Variants in BRD8 observed in about 807,000 individuals in gnomAD.
BRD8 encodes the protein bromodomain containing 8.
BRD8 carries 67 observed loss-of-function variants against 143.1 expected under a neutral mutation model. That is an observed-to-expected ratio of 0.47 (90% CI 0.38 to 0.57). The LOEUF (loss-of-function observed/expected upper bound fraction) is 0.57, where lower values mean the gene tolerates loss of function less well. BRD8 is among the 20% of genes least tolerant of loss of function. The pLI, the probability that BRD8 is intolerant of heterozygous loss-of-function variation, is 0.00. For synonymous variants in BRD8, 505 were observed against 517.1 expected (o/e 0.98, Z 0.32); for missense variants, 1,103 against 1,503.0 (o/e 0.73, Z 4.40).
At chr5:138,156,738 C>T (rs1752619180) in intron 20 of BRD8, 1 of 750,216 alleles carries the variant, frequency 1.3e-6, no homozygotes, top group Non-Finnish European at 1.6e-6. Flanking sequence ...CCTTCTCACA[C>T]TACAGCAAGC....
At position 138,145,795 on chromosome 5, in the gene BRD8, C is replaced by T; in HGVS notation, c.3362G>A (p.Ser1121Asn). The part of the protein sequence containing the change: ...TLLPVWKMIA[S>N]HRFSSPFLKP... Reference sequence around the variant, plus strand: ...TACCACTTTGGAGACCTACCTGTGACTGGCAATCATCTTCCAGACTGGCAG... The same window carrying T: ...TACCACTTTGGAGACCTACCTGTGATTGGCAATCATCTTCCAGACTGGCAG... The change falls in exon 24 of 27, where the codon AGT becomes AAT. Residue 1121 changes from serine to asparagine, a missense_variant. Around this residue, in one of 7 missense-constraint regions of BRD8, gnomAD observed 369 missense variants for 445.5 expected, o/e 0.83. Transcript: ENST00000254900. The T allele has an allele frequency of 6.2e-7, 1 of 1,613,810 alleles. No individual in the cohort carries two copies. Among genetic ancestry groups the T allele is most frequent in the African/African-American group, 1.3e-5 (1 of 75,034 alleles).
Position 138,160,164 on chromosome 5 carries a change from C to T in BRD8, c.2437G>A (p.Ala813Thr), listed in dbSNP as rs1752890421. 1 of 1,613,700 alleles carries T rather than the reference C, an allele frequency of 6.2e-7. No individual in the cohort carries two copies. Among genetic ancestry groups the T allele is most frequent in the Admixed American group, 1.7e-5 (1 of 59,998 alleles). ...DVLEQIQQFL[A>T]TQLIMQTSES... The stretch of plus-strand genomic sequence containing the variant: ...GATGTTTGCATAATCAACTGCGTGG[C>T]CAAGAATTGCTGTAGGGAGAAGAAA... The change falls in exon 19 of 27, where the codon GCC becomes ACC. Residue 813 changes from alanine (A) to threonine (T), a missense_variant. Around this residue, in one of 7 missense-constraint regions of BRD8, gnomAD observed 64 missense variants for 211.3 expected, o/e 0.30. Transcript: ENST00000254900.
chr5:138,163,580 T>C, intron 14 of BRD8: 2 of 1,448,834 alleles, frequency 1.4e-6, no homozygotes, highest in Non-Finnish European at 1.8e-6. Flanking sequence ...AAAAAAAAGC[T>C]ACTTACTTAA....
In BRD8 at chr5:138,165,122, T is replaced by C. The variant is rs543550314; in HGVS notation, c.1323A>G (p.Ala441=). 14 of 1,614,104 alleles carry C rather than the reference T, an allele frequency of 8.7e-6. No homozygotes were observed. In the South Asian group the frequency reaches 1.4e-4, roughly 16 times the overall value. Residue 441 remains alanine (A), a synonymous_variant, in exon 12 of 27, where the codon GCA becomes GCG. Coordinates refer to ENST00000254900, the MANE Select transcript of BRD8 (RefSeq NM_139199.2). ...PEVLDVAAVE[A]ALSFCEENDD... ...CATTTTCTTCACAAAATGACAGTGC[T>C]GCTTCCACTGCTGCCACATCCAGCA...
At chr5:138,167,345 T>C (rs937051884) in intron 9 of BRD8, among the ~76,000 whole-genome samples, 4 of 152,030 alleles carry the variant, frequency 2.6e-5, no homozygotes, top group African/African-American at 7.2e-5. Context: ...AACGAAAAAC[T>C]GGTATGAATA....
chr5:138,174,558 T>A (rs1008043095), intron 2 of BRD8, among the ~76,000 whole-genome samples: 3 of 149,848 alleles, frequency 2.0e-5, no homozygotes, highest in African/African-American at 7.4e-5. Flanking sequence ...ATTGCACCAC[T>A]GCACTCCAGC....
intron 11 of BRD8, among the ~76,000 whole-genome samples, chr5:138,165,559 T>C (rs1023980563): frequency 1.3e-5 from 2 of 152,114 alleles, no homozygotes; most frequent in African/African-American, 4.8e-5. Context: ...AACTCATCTC[T>C]ACTAAAAATA....
At chr5:138,151,048 C>T in intron 21 of BRD8, 40 bp from the exon 22 acceptor site, 2 of 1,589,556 alleles carry the variant, frequency 1.3e-6, no homozygotes, top group South Asian at 1.1e-5. Context: ...AGGAACACCA[C>T]TGAAAATCAT....
rs150896533 is a variant in BRD8 at position 138,146,814 on chromosome 5, C to T, written c.3279-936G>A. ...AAACCCCGTTTCTACTAAAAATACA[C>T]AAAAAATTAGCTGGGCGTGGTGGCG... is the stretch of plus-strand genomic sequence containing the variant. On this transcript the variant is annotated intron_variant, in intron 23 of 26. Transcript: ENST00000254900. Among the ~76,000 whole-genome samples the T allele has an allele frequency of 3.7e-3, 557 of 151,182 alleles. 3 individuals carry two copies. The highest frequency in any genetic ancestry group is 0.013 in the African/African-American group (529 of 41,210).
chr5:138,155,197 A>G (rs1752533457), intron 20 of BRD8, among the ~76,000 whole-genome samples: 2 of 151,674 alleles, frequency 1.3e-5, no homozygotes, highest in African/African-American at 2.4e-5. Context: ...CTGTAATCCT[A>G]GCACTTTGGG....
chr5:138,146,575 A>G (rs141563680), intron 23 of BRD8, among the ~76,000 whole-genome samples: 18 of 152,258 alleles, frequency 1.2e-4, no homozygotes, highest in African/African-American at 2.4e-4. Flanking sequence ...CCCAGGCTGG[A>G]TATCTACTGC....
chr5:138,152,838 T>G (rs373344329), intron 20 of BRD8, 78 bp from the exon 21 acceptor site: 3 of 1,482,676 alleles, frequency 2.0e-6, no homozygotes, highest in South Asian at 2.7e-5. Flanking sequence ...CCGAGTTCAG[T>G]AGAAAAATAA....
At position 138,150,746 on chromosome 5, in the gene BRD8, T is replaced by TTAA. The variant is rs761697279; in HGVS notation, c.3118_3119insTTA (p.Glu1040delinsValLys). The TTAA allele has an allele frequency of 1.2e-6, 2 of 1,605,440 alleles. No homozygotes were observed. Among genetic ancestry groups the TTAA allele is most frequent in the South Asian group, 2.2e-5 (2 of 89,322 alleles). On this transcript the variant is annotated protein_altering_variant and splice_region_variant, in exon 22 of 27. Coordinates refer to ENST00000254900, the MANE Select transcript of BRD8 (RefSeq NM_139199.2). ...AGCTGATTTAAGTTACTTTCTTACCTCTTCACTCTCTGTGAGTAGTCCCTG... is the reference window on the plus strand; with the variant it reads ...AGCTGATTTAAGTTACTTTCTTACCTTAACTTCACTCTCTGTGAGTAGTCCCTG...
rs1197690770 is a variant in BRD8 at position 138,167,746 on chromosome 5, T to C, written c.787+188A>G. On this transcript the variant is annotated intron_variant, in intron 9 of 26. Transcript: ENST00000254900. ...CTGTGGTCAATCAGGGCTATCACTA[T>C]CTTGAAGATAGATGGCTTTATAATA... 5 of 577,834 alleles carry C rather than the reference T, an allele frequency of 8.7e-6. 1 individual carries two copies. The highest frequency in any genetic ancestry group is 1.6e-5 in the Non-Finnish European group (5 of 321,560). The allele number at this position is 577,834 out of a possible 1,614,324, so 35.8% of individuals were successfully genotyped here.
intron 23 of BRD8, among the ~76,000 whole-genome samples, chr5:138,146,259 T>C (rs554000584): frequency 2.0e-5 from 3 of 151,930 alleles, no homozygotes; most frequent in East Asian, 3.9e-4. Flanking sequence ...GGTTTTGCCA[T>C]GTTGGCCAGG....
chr5:138,167,884 A>G (rs748666921), intron 9 of BRD8, 50 bp downstream of exon 9: 19 of 1,538,990 alleles, frequency 1.2e-5, no homozygotes, highest in Middle Eastern at 3.4e-4. Flanking sequence ...AGGTCAGTCA[A>G]TGTCAAGTTC....
chr5:138,161,698 C>G (rs1264709109), intron 17 of BRD8, 98 bp downstream of exon 17: 10 of 1,257,714 alleles, frequency 8.0e-6, no homozygotes, highest in Non-Finnish European at 1.1e-5. Context: ...AAACCATAAA[C>G]TTACTTGCTT....
chr5:138,169,871 A>G (rs1023283511), intron 7 of BRD8, among the ~76,000 whole-genome samples: 1 of 152,208 alleles, frequency 6.6e-6, no homozygotes. Flanking sequence ...AGGCAGGAGA[A>G]TCACTTGAAC....
chr5:138,164,310 CTTTA>C lies in BRD8; in HGVS notation c.1825+6_1825+9del. ...ATGATTTCAAGTCAGTGAAAGAGGA[CTTTA>C]TTTACCTGACATTTCAAACTTGTGC... On this transcript the variant is annotated splice_donor_region_variant and intron_variant, in intron 13 of 26. Coordinates refer to ENST00000254900, the MANE Select transcript of BRD8 (RefSeq NM_139199.2). The C allele has an allele frequency of 6.2e-7, 1 of 1,612,830 alleles. No individual in the cohort carries two copies.
Sources: allele counts gnomAD v4.1 joint callset (sites outside exome capture counted in the v4.1 genomes callset), GRCh38; gene constraint gnomAD v4.1.1; regional missense constraint gnomAD v4.1.1; transcripts MANE v1.5; gene names NCBI Gene and HGNC (gene_info 2026-07-23, HGNC 2026-07-21).